Variants in CFB observed in about 807,000 individuals in gnomAD.
CFB encodes the protein B-factor, properdin.
A neutral mutation model predicts 97.2 loss-of-function variants in CFB; 59 were observed. The observed-to-expected ratio is 0.61, with a 90% CI of 0.49 to 0.75. CFB has a LOEUF of 0.75. Among genes scored for constraint, CFB ranks in the 30% least tolerant of loss-of-function variants. The pLI, the probability that CFB is intolerant of heterozygous loss-of-function variation, is 0.00. For missense variants in CFB, 771 were observed against 959.8 expected (o/e 0.80, Z 2.60); for synonymous variants, 316 against 351.7 (o/e 0.90, Z 1.14).
intron 10 of CFB, 31 bp from the exon 11 acceptor site, chr6:31,950,019 G>C (rs758214895): frequency 1.2e-6 from 2 of 1,608,400 alleles, no homozygotes; most frequent in African/African-American, 2.7e-5. Context: ...GAAGTGTTCC[G>C]AGTTTTCAGC....
In CFB at chr6:31,946,491, G is replaced by A. The variant is rs1442025840; in HGVS notation, c.183G>A (p.Val61=). Residue 61 remains valine, a synonymous_variant, in exon 2 of 18, where the codon GTG becomes GTA. Coordinates refer to ENST00000425368, the MANE Select transcript of CFB (RefSeq NM_001710.6). This position sits in a 1 kb window ranked among gnomAD's most constrained non-coding sequence, Gnocchi z 6.4. ...AAGAGGGCCAGGCACTGGAGTACGTGTGTCCTTCTGGCTTCTACCCGTACC... is the reference window on the plus strand; with the variant it reads ...AAGAGGGCCAGGCACTGGAGTACGTATGTCCTTCTGGCTTCTACCCGTACC... ...LLQEGQALEY[V]CPSGFYPYPV... 3.1e-6 allele frequency: 5 copies of A among 1,612,940 alleles called. No individual in the cohort carries two copies. The African/African-American group carries it at 5.3e-5, about 17-fold the overall frequency.
rs1270942 is a variant in CFB at position 31,951,083 on chromosome 6, A to G, written c.1856-61A>G. ...GCTTAGGGGACATCTACTGAGTGAC[A>G]AAGGCAATGGGGAGATGACAGTGGT... On this transcript the variant is annotated intron_variant, in intron 14 of 17. Transcript: ENST00000425368. The surrounding 1 kb of genome is among the most constrained non-coding windows in gnomAD (Gnocchi z 4.3). 158,193 of 1,591,678 alleles carry G rather than the reference A, an allele frequency of 0.099. 9,971 individuals carry two copies. Among genetic ancestry groups the G allele is most frequent in the Non-Finnish European group, 0.12 (140,866 of 1,161,456 alleles).
At position 31,951,531 on chromosome 6, in the gene CFB, C is replaced by T. The variant is rs774283459; in HGVS notation, c.2090-24C>T. On this transcript the variant is annotated intron_variant, in intron 16 of 17. Coordinates refer to ENST00000425368, the MANE Select transcript of CFB (RefSeq NM_001710.6). This position sits in a 1 kb window ranked among gnomAD's most constrained non-coding sequence, Gnocchi z 4.3. ...GCCCAAGGCCCAACAGTCCTTTTCT[C>T]TACAGCTTCTCCTCTCCTTGCAGGT... The T allele has an allele frequency of 3.7e-6, 6 of 1,614,090 alleles. No individual in the cohort carries two copies. Among genetic ancestry groups the T allele is most frequent in the African/African-American group, 1.3e-5 (1 of 74,936 alleles).
rs1771642292 is a variant in CFB, at chr6:31,949,837, T to G, written c.1409-213T>G. On this transcript the variant is annotated intron_variant, in intron 10 of 17. Coordinates refer to ENST00000425368, the MANE Select transcript of CFB (RefSeq NM_001710.6). ...CAGCAAGTTAGCAACAAGGGTGGGC[T>G]TGAAAACAGCCAGGCCTCTGACAGC... The G allele has an allele frequency of 7.2e-6, 5 of 694,012 alleles. No homozygotes were observed. The East Asian group carries it at 1.3e-4, about 19-fold the overall frequency. The allele number at this position is 694,012 out of a possible 1,614,324, so 43.0% of individuals were successfully genotyped here. A position where few individuals can be genotyped will look rare whatever the true frequency, so the allele number is the denominator to read the frequency against.
At chr6:31,950,817 G>C (rs1384148669) in intron 13 of CFB, 45 bp downstream of exon 13, 1 of 1,612,972 alleles carries the variant, frequency 6.2e-7, no homozygotes, top group East Asian at 2.2e-5. Flanking sequence ...AAAGGCTGGA[G>C]GACTGGGGTG....
chr6:31,948,567 G>T, intron 7 of CFB, 55 bp downstream of exon 7: 2 of 1,611,026 alleles, frequency 1.2e-6, no homozygotes, highest in Non-Finnish European at 1.7e-6. Context: ...GGTTCAGGGT[G>T]GAGGGGGTCA....
At chr6:31,948,765 G>C (rs1186310037) in intron 7 of CFB, 65 bp from the exon 8 acceptor site, 28 of 1,610,784 alleles carry the variant, frequency 1.7e-5, no homozygotes, top group Non-Finnish European at 2.2e-5. Context: ...GTTGCAGATT[G>C]GTCTCTGGGG....
rs1771762417 is a variant in CFB, at chr6:31,951,419, C to T, written c.2035C>T (p.Arg679Trp). 5.0e-6 allele frequency: 8 copies of T among 1,614,212 alleles called. No homozygotes were observed. Among genetic ancestry groups the T allele is most frequent in the Non-Finnish European group, 5.9e-6 (7 of 1,180,040 alleles). ...VKDISEVVTP[R>W]FLCTGGVSPY... ...GGACATCTCAGAGGTGGTCACCCCT[C>T]GGTTCCTTTGTACTGGAGGAGTGAG... The change falls in exon 16 of 18, where the codon CGG becomes TGG. Residue 679 changes from arginine (R) to tryptophan (W), a missense_variant. Arg to Trp is a moderately radical substitution (Grantham distance 101). Transcript: ENST00000425368. This position sits in a 1 kb window ranked among gnomAD's most constrained non-coding sequence, Gnocchi z 4.3.
In CFB at chr6:31,947,028, A is replaced by C. The variant is rs1311150863; in HGVS notation, c.320A>C (p.His107Pro). Residue 107 changes from histidine to proline, a missense_variant, in exon 3 of 18, where the codon CAC (histidine) becomes CCC (proline). By Grantham distance (77) the His-to-Pro change is moderately conservative. Transcript: ENST00000425368. This position sits in a 1 kb window ranked among gnomAD's most constrained non-coding sequence, Gnocchi z 5.3. ...ECRAIHCPRP[H>P]DFENGEYWPR... ...AAAGCAATCCACTGTCCAAGACCACACGACTTCGAGAACGGGGAATACTGG... is the reference window on the plus strand; with the variant it reads ...AAAGCAATCCACTGTCCAAGACCACCCGACTTCGAGAACGGGGAATACTGG... 6.2e-7 allele frequency: 1 copy of C among 1,612,906 alleles called. No individual in the cohort carries two copies. The highest frequency in any genetic ancestry group is 1.7e-5 in the Admixed American group (1 of 60,012).
In CFB at chr6:31,950,770, C is replaced by A; in HGVS notation, c.1776C>A (p.Ile592=). 1 of 1,613,098 alleles carries A rather than the reference C, an allele frequency of 6.2e-7. No individual in the cohort carries two copies. Among genetic ancestry groups the A allele is most frequent in the Non-Finnish European group, 8.5e-7 (1 of 1,180,048 alleles). ...LKNKLKYGQT[I]RPICLPCTEG... ...ATAAGCTGAAATATGGCCAGACTAT[C>A]AGGTGAGAGCGTCCAGATCCCTGAG... The change falls in exon 13 of 18, where the codon ATC becomes ATA. Residue 592 remains isoleucine (I), a splice_region_variant and synonymous_variant. Transcript: ENST00000425368.
Position 31,950,643 on chromosome 6 carries a change from T to C in CFB, c.1649T>C (p.Ile550Thr). Residue 550 changes from isoleucine to threonine, a missense_variant, in exon 13 of 18, where the codon ATA (isoleucine) becomes ACA (threonine). Transcript: ENST00000425368. ...SVGGEKRDLE[I>T]EVVLFHPNYN... ...GGAGGGGAGAAGCGGGACCTGGAGA[T>C]AGAAGTAGTCCTATTTCACCCCAAC... 6.2e-7 allele frequency: 1 copy of C among 1,612,952 alleles called. No homozygotes were observed. The highest frequency in any genetic ancestry group is 1.7e-5 in the Admixed American group (1 of 60,006).
intron 13 of CFB, 43 bp from the exon 14 acceptor site, chr6:31,950,825 G>T (rs1341897732): frequency 6.2e-7 from 1 of 1,613,046 alleles, no homozygotes; most frequent in South Asian, 1.1e-5. Context: ...GAGGACTGGG[G>T]TGAGGAGCAG....
At position 31,951,116 on chromosome 6, in the gene CFB, G is replaced by A. The variant is rs766655269; in HGVS notation, c.1856-28G>A. On this transcript the variant is annotated intron_variant, in intron 14 of 17. Coordinates refer to ENST00000425368, the MANE Select transcript of CFB (RefSeq NM_001710.6). This position sits in a 1 kb window ranked among gnomAD's most constrained non-coding sequence, Gnocchi z 4.3. ...TGGGGAGATGACAGTGGTGGGAGCA[G>A]CTGAAGTGACGCAGTCTATTCGTCC... is the stretch of plus-strand genomic sequence containing the variant. The A allele has an allele frequency of 3.7e-6, 6 of 1,608,934 alleles. No homozygotes were observed. In the South Asian group the frequency reaches 6.6e-5, roughly 18 times the overall value.
chr6:31,948,873 G>A lies in CFB; in HGVS notation c.1080G>A (p.Gln360=), dbSNP rs746391925. The change falls in exon 8 of 18, where the codon CAG becomes CAA. Residue 360 remains glutamine, a synonymous_variant. Coordinates refer to ENST00000425368, the MANE Select transcript of CFB (RefSeq NM_001710.6). ...KSGTNTKKAL[Q]AVYSMMSWPD... is the part of the protein sequence containing the mutation. ...GGACTAACACCAAGAAGGCCCTCCA[G>A]GCAGTGTACAGCATGATGAGCTGGC... is the stretch of plus-strand genomic sequence containing the variant. 1.2e-6 allele frequency: 2 copies of A among 1,613,014 alleles called. No homozygotes were observed. The highest frequency in any genetic ancestry group is 1.7e-6 in the Non-Finnish European group (2 of 1,180,004).
Position 31,947,299 on chromosome 6 carries a change from A to G in CFB, c.485-49A>G. The G allele has an allele frequency of 1.2e-6, 2 of 1,612,262 alleles. No individual in the cohort carries two copies. Among genetic ancestry groups the G allele is most frequent in the South Asian group, 1.1e-5 (1 of 91,070 alleles). The stretch of plus-strand genomic sequence containing the variant: ...GTAACTCTTGCTCTCTACCTTGCTC[A>G]CGGGGCCTCAGGCTTCAGTGCTTAC... On this transcript the variant is annotated intron_variant, in intron 3 of 17. Transcript: ENST00000425368. This position sits in a 1 kb window ranked among gnomAD's most constrained non-coding sequence, Gnocchi z 5.3.
rs1771724005 is a variant in CFB at position 31,950,942 on chromosome 6, AAAGT to A, written c.1855+2_1855+5del. ...CCTCCAACTACCACTTGCCAGCAAC[AAAGT>A]AAGACATACTTGGCAAGAGGATAAG... On this transcript the variant is annotated splice_donor_variant and coding_sequence_variant, in exon 14 of 18. Coordinates refer to ENST00000425368, the MANE Select transcript of CFB (RefSeq NM_001710.6). LOFTEE classifies it high-confidence loss of function. The A allele has an allele frequency of 1.2e-6, 2 of 1,613,012 alleles. No homozygotes were observed. The highest frequency in any genetic ancestry group is 1.7e-6 in the Non-Finnish European group (2 of 1,179,994).
In CFB at chr6:31,946,488, C is replaced by T. The variant is rs774923308; in HGVS notation, c.180C>T (p.Tyr60=). The change falls in exon 2 of 18, where the codon TAC becomes TAT. Residue 60 remains tyrosine, a synonymous_variant. Transcript: ENST00000425368. This position sits in a 1 kb window ranked among gnomAD's most constrained non-coding sequence, Gnocchi z 6.4. ...TCCAAGAGGGCCAGGCACTGGAGTACGTGTGTCCTTCTGGCTTCTACCCGT... is the reference window on the plus strand; with the variant it reads ...TCCAAGAGGGCCAGGCACTGGAGTATGTGTGTCCTTCTGGCTTCTACCCGT... ...RLLQEGQALE[Y]VCPSGFYPYP... is the part of the protein sequence containing the mutation. 6 of 1,612,894 alleles carry T rather than the reference C, an allele frequency of 3.7e-6. No individual in the cohort carries two copies. The African/African-American group carries it at 5.3e-5, about 14-fold the overall frequency.
In CFB at chr6:31,951,101, A is replaced by G. The variant is rs1771732787; in HGVS notation, c.1856-43A>G. On this transcript the variant is annotated intron_variant, in intron 14 of 17. Transcript: ENST00000425368. The surrounding 1 kb of genome is among the most constrained non-coding windows in gnomAD (Gnocchi z 4.3). The stretch of plus-strand genomic sequence containing the variant: ...GAGTGACAAAGGCAATGGGGAGATG[A>G]CAGTGGTGGGAGCAGCTGAAGTGAC... The G allele has an allele frequency of 6.2e-7, 1 of 1,600,900 alleles. No individual in the cohort carries two copies. Among genetic ancestry groups the G allele is most frequent in the South Asian group, 1.1e-5 (1 of 90,784 alleles).
chr6:31,948,067 A>T lies in CFB; in HGVS notation c.883A>T (p.Asn295Tyr). 6.2e-7 allele frequency: 1 copy of T among 1,614,124 alleles called. No homozygotes were observed. The highest frequency in any genetic ancestry group is 1.3e-5 in the African/African-American group (1 of 75,030). The change falls in exon 6 of 18, where the codon AAC (asparagine) becomes TAC (tyrosine). Residue 295 changes from asparagine (N) to tyrosine (Y), a missense_variant. Transcript: ENST00000425368. ...CACAGGAGCCAAAAAGTGTCTAGTCAACTTAATTGAGAAGGTGGAATCCTC... is the reference window on the plus strand; with the variant it reads ...CACAGGAGCCAAAAAGTGTCTAGTCTACTTAATTGAGAAGGTGGAATCCTC... ...NFTGAKKCLV[N>Y]LIEKVASYGV...
Sources: gnomAD v4.1 joint callset for allele counts on GRCh38, gnomAD v4.1.1 for gene constraint, Gnocchi (gnomAD v3.1) non-coding constraint, MANE v1.5 for transcripts, NCBI Gene and HGNC (gene_info 2026-07-23, HGNC 2026-07-21) for gene names.